FBXW12: variants seen among roughly 807,000 people sequenced by gnomAD.
FBXW12 encodes F-box and WD repeat domain containing 12, also known as F-box/WD repeat-containing protein 12.
A neutral mutation model predicts 55.3 loss-of-function variants in FBXW12; 43 were observed. That is an observed-to-expected ratio of 0.78 (90% CI 0.61 to 1.00). FBXW12 has a LOEUF of 1.00. Among genes scored for constraint, FBXW12 ranks in the 50% least tolerant of loss-of-function variants. The pLI, the probability that FBXW12 is intolerant of heterozygous loss-of-function variation, is 0.00. For synonymous variants in FBXW12, 184 were observed against 203.8 expected, an observed-to-expected ratio of 0.90 and a Z score of 0.83; for missense variants, 524 against 560.5, an observed-to-expected ratio of 0.93 and a Z score of 0.66.
intron 5 of FBXW12, 78 bp from the exon 6 acceptor site, chr3:48,378,239 A>G (rs1445310789): frequency 1.8e-6 from 2 of 1,134,710 alleles, no homozygotes; most frequent in African/African-American, 3.1e-5. Flanking sequence ...AGAGGCTTCC[A>G]AATAAACATG....
chr3:48,388,673 A>G (rs1404381023), intron 10 of FBXW12, among the ~76,000 whole-genome samples: 1 of 152,180 alleles, frequency 6.6e-6, no homozygotes, highest in African/African-American at 2.4e-5. Context: ...TGTAGATAGA[A>G]TCTGGTTGGG....
chr3:48,379,963 A>G (rs2036742669), intron 7 of FBXW12: 2 of 182,752 alleles, frequency 1.1e-5, no homozygotes, highest in South Asian at 1.3e-4. Context: ...GTCTGGCATC[A>G]ATACGTTCAC....
At chr3:48,390,784 C>G (rs1366050902) in intron 10 of FBXW12, among the ~76,000 whole-genome samples, 1 of 151,910 alleles carries the variant, frequency 6.6e-6, no homozygotes, top group African/African-American at 2.4e-5. Flanking sequence ...TAGATGTATT[C>G]CTAGGTAACT....
At chr3:48,385,309 C>T (rs2036831847) in intron 10 of FBXW12, among the ~76,000 whole-genome samples, 1 of 151,710 alleles carries the variant, frequency 6.6e-6, no homozygotes, top group Non-Finnish European at 1.5e-5. Context: ...ACAAGATTCC[C>T]TTCTTTTCTA....
At chr3:48,392,756 G>A (rs375017463) in intron 10 of FBXW12, among the ~76,000 whole-genome samples, 43 of 152,170 alleles carry the variant, frequency 2.8e-4, no homozygotes, top group African/African-American at 7.7e-4. Flanking sequence ...ATCCATTGTC[G>A]TTCAAATCTC....
At chr3:48,385,055 G>C (rs1017589225) in intron 10 of FBXW12, among the ~76,000 whole-genome samples, 10 of 152,102 alleles carry the variant, frequency 6.6e-5, no homozygotes, top group African/African-American at 2.4e-4. Flanking sequence ...CTGTGCCACA[G>C]ATCTCTGAAA....
chr3:48,376,927 C>T (rs1289576218), intron 5 of FBXW12, among the ~76,000 whole-genome samples: 2 of 152,260 alleles, frequency 1.3e-5, no homozygotes, highest in South Asian at 2.1e-4. Flanking sequence ...TGTTATCCTG[C>T]GCTTACCCCA....
intron 10 of FBXW12, among the ~76,000 whole-genome samples, chr3:48,383,742 TGTAAG>T: frequency 6.6e-6 from 1 of 152,314 alleles, no homozygotes; most frequent in Admixed American, 6.5e-5. Flanking sequence ...AGTTAAATTT[TGTAAG>T]GGAAAGATAA....
chr3:48,375,913 G>T (rs1404190863), intron 5 of FBXW12, among the ~76,000 whole-genome samples: 1 of 149,090 alleles, frequency 6.7e-6, no homozygotes, highest in Non-Finnish European at 1.5e-5. Flanking sequence ...CTGACCTTGT[G>T]ATCCGCCTAC....
chr3:48,378,484 T>C lies in FBXW12; in HGVS notation c.573T>C (p.Tyr191=), dbSNP rs202200186. The change falls in exon 6 of 11, where the codon TAT becomes TAC. Residue 191 remains tyrosine, a synonymous_variant. Transcript: ENST00000296438. ...TTCTCCCCATGCCACAGCCCTGTTA[T>C]TGCATGGAAGCCTATCTTACAAAGG... ...LAVLPMPQPC[Y]CMEAYLTKDG... is the part of the protein sequence containing the mutation. 1.2e-6 allele frequency: 2 copies of C among 1,614,114 alleles called. No individual in the cohort carries two copies. The highest frequency in any genetic ancestry group is 1.3e-5 in the African/African-American group (1 of 75,040).
At chr3:48,373,444 A>G (rs1273609707) in intron 3 of FBXW12, 99 bp downstream of exon 3, 17 of 1,607,058 alleles carry the variant, frequency 1.1e-5, no homozygotes, top group Non-Finnish European at 1.4e-5. Flanking sequence ...GTTGTGAGAT[A>G]TACACAGGAA....
At chr3:48,391,860 T>C (rs562751610) in intron 10 of FBXW12, among the ~76,000 whole-genome samples, 2 of 152,326 alleles carry the variant, frequency 1.3e-5, no homozygotes, top group South Asian at 4.1e-4. Flanking sequence ...GTGAATTAGC[T>C]TTTTGATTTG....
At chr3:48,373,975 TC>T (rs1560029423) in intron 4 of FBXW12, among the ~76,000 whole-genome samples, 4 of 151,292 alleles carry the variant, frequency 2.6e-5, no homozygotes, top group African/African-American at 9.7e-5. Flanking sequence ...AGGCTTCTCA[TC>T]CCTCCCAGAA....
At position 48,372,871 on chromosome 3, in the gene FBXW12, A is replaced by G. The variant is rs1575356973; in HGVS notation, c.90+14A>G. 1 of 1,611,698 alleles carries G rather than the reference A, an allele frequency of 6.2e-7. No homozygotes were observed. Among genetic ancestry groups the G allele is most frequent in the Non-Finnish European group, 8.5e-7 (1 of 1,178,092 alleles). The stretch of plus-strand genomic sequence containing the variant: ...CAGGTGAACAAGGTAAAGGCCTTCC[A>G]CCTCCCACTGCCCCCCAAGCCCGCT... On this transcript the variant is annotated intron_variant, in intron 2 of 10. Transcript: ENST00000296438.
chr3:48,381,189 A>AT (rs2036765468), intron 8 of FBXW12, among the ~76,000 whole-genome samples: 2 of 151,858 alleles, frequency 1.3e-5, no homozygotes. Context: ...TACCCGGCTA[A>AT]TTTTTTGTAT....
intron 5 of FBXW12, among the ~76,000 whole-genome samples, chr3:48,375,973 C>CTTTT: frequency 9.9e-6 from 1 of 101,464 alleles, no homozygotes; most frequent in African/African-American, 3.9e-5. Flanking sequence ...CTGCGCCCGG[C>CTTTT]CTTTTTTTTT....
chr3:48,391,022 C>A (rs2106655783), intron 10 of FBXW12, among the ~76,000 whole-genome samples: 1 of 147,400 alleles, frequency 6.8e-6, no homozygotes, highest in South Asian at 2.1e-4. Context: ...GTATTCCCAG[C>A]ACTTTGGGAG....
At chr3:48,381,203 T>C (rs992122631) in intron 8 of FBXW12, among the ~76,000 whole-genome samples, 23 of 152,056 alleles carry the variant, frequency 1.5e-4, no homozygotes, top group Non-Finnish European at 3.1e-4. Context: ...TTTGTATTTT[T>C]AGTAGAGACA....
Position 48,380,368 on chromosome 3 carries a change from A to T in FBXW12, c.775-334A>T, listed in dbSNP as rs573611890. 2.8e-3 allele frequency among the ~76,000 whole-genome samples: 419 copies of T among 152,288 alleles called. 2 individuals carry two copies. Among genetic ancestry groups the T allele is most frequent in the African/African-American group, 9.5e-3 (395 of 41,558 alleles). On this transcript the variant is annotated intron_variant, in intron 7 of 10. Transcript: ENST00000296438. ...AGAGGGAGGAGTTCAGAAGGCAGGTAGTAAAAGCCACACAGCCCTTGACTT... is the reference window on the plus strand; with the variant it reads ...AGAGGGAGGAGTTCAGAAGGCAGGTTGTAAAAGCCACACAGCCCTTGACTT...
Sources: allele counts gnomAD v4.1 joint callset (sites outside exome capture counted in the v4.1 genomes callset), GRCh38; gene constraint gnomAD v4.1.1; transcripts MANE v1.5; gene names NCBI Gene and HGNC (gene_info 2026-07-23, HGNC 2026-07-21).